Variants in PIP5K1A observed in about 807,000 individuals in gnomAD.
PIP5K1A encodes phosphatidylinositol-4-phosphate 5-kinase type 1 alpha.
A neutral mutation model predicts 72.9 loss-of-function variants in PIP5K1A; 46 were observed. The observed-to-expected ratio is 0.63, with a 90% CI of 0.50 to 0.81. The LOEUF (loss-of-function observed/expected upper bound fraction) is 0.81. PIP5K1A is among the 30% of genes least tolerant of loss of function. The probability of loss-of-function intolerance (pLI) is 0.00; values close to 1 mark genes in which losing one functional copy is unlikely to be tolerated. For missense variants in PIP5K1A, 458 were observed against 706.1 expected, an observed-to-expected ratio of 0.65 and a Z score of 3.98; for synonymous variants, 228 against 255.1, an observed-to-expected ratio of 0.89 and a Z score of 1.01.
Position 151,208,719 on chromosome 1 carries a change from C to CTTTTTTTTTTTTT in PIP5K1A, c.85+9656_85+9668dup, listed in dbSNP as rs61545057. 3.5e-4 allele frequency among the ~76,000 whole-genome samples: 15 copies of CTTTTTTTTTTTTT among 43,162 alleles called. 4 individuals carry two copies. The highest frequency in any genetic ancestry group is 5.6e-4 in the Non-Finnish European group (13 of 23,042). The allele number at this position is 43,162 out of a possible 152,430, so 28.3% of individuals were successfully genotyped here. The stretch of plus-strand genomic sequence containing the variant: ...TTATTAAGGATGTTGTAATGGTACG[C>CTTTTTTTTTTTTT]TTTTTTTTTTTTTTTTTTTTTTTTT... On this transcript the variant is annotated intron_variant, in intron 1 of 15. Transcript: ENST00000368888.
chr1:151,243,281 G>A (rs1692031495), intron 14 of PIP5K1A, among the ~76,000 whole-genome samples: 1 of 152,196 alleles, frequency 6.6e-6, no homozygotes, highest in Non-Finnish European at 1.5e-5. Context: ...TTAGCTCAGA[G>A]TCCAGAGTTT....
At chr1:151,232,961 G>A (rs1183683893) in intron 7 of PIP5K1A, among the ~76,000 whole-genome samples, 2 of 151,846 alleles carry the variant, frequency 1.3e-5, no homozygotes, top group Non-Finnish European at 2.9e-5. Flanking sequence ...TTAGCCAGGC[G>A]TGGTAGCGGG....
chr1:151,206,081 T>C (rs780537672), intron 1 of PIP5K1A, among the ~76,000 whole-genome samples: 8 of 152,160 alleles, frequency 5.3e-5, no homozygotes, highest in African/African-American at 1.2e-4. Context: ...TTTCGACATA[T>C]GTTTATCCTG....
rs1288317857 is a variant in PIP5K1A at position 151,198,911 on chromosome 1, A to G, written c.-86A>G. ...GGCCCACAGAACGCGGGTTCTGTAAAGAGACGTTGGGAAGATTCGATTCCG... is the reference window on the plus strand; with the variant it reads ...GGCCCACAGAACGCGGGTTCTGTAAGGAGACGTTGGGAAGATTCGATTCCG... On this transcript the variant is annotated 5_prime_UTR_variant, in exon 1 of 16. Transcript: ENST00000368888. The G allele has an allele frequency of 7.5e-7, 1 of 1,336,784 alleles. No homozygotes were observed. Among genetic ancestry groups the G allele is most frequent in the East Asian group, 2.3e-5 (1 of 43,642 alleles). 82.8% of individuals were successfully genotyped at this position (1,336,784 alleles called of 1,614,324 possible).
At chr1:151,201,753 T>C (rs1386095628) in intron 1 of PIP5K1A, among the ~76,000 whole-genome samples, 1 of 151,862 alleles carries the variant, frequency 6.6e-6, no homozygotes, top group African/African-American at 2.4e-5. Context: ...TCCCAGCTAC[T>C]TAGGAGGCTG....
chr1:151,203,201 T>C (rs1383226291), intron 1 of PIP5K1A, among the ~76,000 whole-genome samples: 3 of 151,854 alleles, frequency 2.0e-5, no homozygotes, highest in African/African-American at 7.3e-5. Flanking sequence ...GAAATAAGAG[T>C]TGTGGAGTAA....
chr1:151,245,018 A>C (rs1046133473), intron 14 of PIP5K1A, among the ~76,000 whole-genome samples: 3 of 150,560 alleles, frequency 2.0e-5, no homozygotes, highest in African/African-American at 7.4e-5. Context: ...CTGCCTCCTG[A>C]AGTGAGCCAC....
chr1:151,205,437 A>G (rs926881165), intron 1 of PIP5K1A, among the ~76,000 whole-genome samples: 7 of 151,674 alleles, frequency 4.6e-5, no homozygotes, highest in African/African-American at 9.7e-5. Context: ...TGGCTTCCCA[A>G]AGTTCTGAGA....
intron 7 of PIP5K1A, among the ~76,000 whole-genome samples, 161 bp from the exon 8 acceptor site, chr1:151,234,036 C>G (rs1442609587): frequency 2.6e-5 from 4 of 152,094 alleles, no homozygotes; most frequent in South Asian, 2.1e-4. Flanking sequence ...GAAATAGATG[C>G]ATAGGGAAAT....
intron 1 of PIP5K1A, among the ~76,000 whole-genome samples, chr1:151,213,955 C>T (rs1687219404): frequency 6.6e-6 from 1 of 152,072 alleles, no homozygotes; most frequent in Non-Finnish European, 1.5e-5. Flanking sequence ...AGGAAATGGT[C>T]ATCTTTTAAC....
In PIP5K1A at chr1:151,231,352, A is replaced by C. The variant is rs149911535; in HGVS notation, c.238-319A>C. Among the ~76,000 whole-genome samples, 427 of 152,292 alleles carry C rather than the reference A, an allele frequency of 2.8e-3. 2 individuals are homozygous for C. The highest frequency in any genetic ancestry group is 9.7e-3 in the African/African-American group (404 of 41,560). ...GAACTAAGAACGTTGTGTCAATACA[A>C]TGTATCTTCCAAATACAAATATGGA... On this transcript the variant is annotated intron_variant, in intron 4 of 15. Coordinates refer to ENST00000368888, the MANE Select transcript of PIP5K1A (RefSeq NM_001135638.2).
intron 7 of PIP5K1A, chr1:151,233,878 AC>A (rs1289360574): frequency 1.1e-5 from 3 of 268,944 alleles, no homozygotes; most frequent in Admixed American, 4.9e-5. Context: ...TACCTGCCTT[AC>A]CATCCCCAAG....
At chr1:151,222,682 A>G (rs1454881882) in intron 1 of PIP5K1A, among the ~76,000 whole-genome samples, 3 of 152,190 alleles carry the variant, frequency 2.0e-5, no homozygotes, top group Non-Finnish European at 2.9e-5. Context: ...AGGATAGGCC[A>G]GGCACTGACC....
At position 151,235,564 on chromosome 1, in the gene PIP5K1A, G is replaced by A. The variant is rs771679206; in HGVS notation, c.940-994G>A. On this transcript the variant is annotated intron_variant, in intron 8 of 15. Coordinates refer to ENST00000368888, the MANE Select transcript of PIP5K1A (RefSeq NM_001135638.2). ...CTGTAAGGAGGCACAGTGCCTACATGGTGGAGATTCAGTAAATGTTTAACT... is the reference window on the plus strand; with the variant it reads ...CTGTAAGGAGGCACAGTGCCTACATAGTGGAGATTCAGTAAATGTTTAACT... Among the ~76,000 whole-genome samples, 7 of 152,334 alleles carry A rather than the reference G, an allele frequency of 4.6e-5. 2 individuals are homozygous for A. The highest frequency in any genetic ancestry group is 1.7e-4 in the African/African-American group (7 of 41,578).
rs587727875 is a variant in PIP5K1A at position 151,227,313 on chromosome 1, C to T, written c.157-7C>T. The T allele has an allele frequency of 1.9e-6, 3 of 1,593,280 alleles. No homozygotes were observed. Among genetic ancestry groups the T allele is most frequent in the Non-Finnish European group, 2.6e-6 (3 of 1,161,340 alleles). ...GAATTGTATTATAATCTTGACTCTT[C>T]TTCTAGGTGCCTTATGCCTCTGGCA... On this transcript the variant is annotated splice_polypyrimidine_tract_variant and splice_region_variant and intron_variant, in intron 3 of 15. Coordinates refer to ENST00000368888, the MANE Select transcript of PIP5K1A (RefSeq NM_001135638.2).
At chr1:151,227,970 A>G (rs748101552) in intron 4 of PIP5K1A, among the ~76,000 whole-genome samples, 1 of 152,198 alleles carries the variant, frequency 6.6e-6, no homozygotes, top group Non-Finnish European at 1.5e-5. Context: ...CCTGTTAGGT[A>G]TAAATATGTA....
At chr1:151,244,303 TATTTACATAGC>T (rs1251404002) in intron 14 of PIP5K1A, among the ~76,000 whole-genome samples, 1 of 152,154 alleles carries the variant, frequency 6.6e-6, no homozygotes, top group Non-Finnish European at 1.5e-5. Flanking sequence ...GTATAACAAC[TATTTACATAGC>T]ATTTACATTG....
In PIP5K1A at chr1:151,224,390, A is replaced by T. The variant is rs760095699; in HGVS notation, c.140A>T (p.Asp47Val). The T allele has an allele frequency of 1.2e-6, 2 of 1,604,314 alleles. No individual in the cohort carries two copies. The highest frequency in any genetic ancestry group is 2.2e-5 in the East Asian group (1 of 44,822). Residue 47 changes from aspartate (D) to valine (V), a missense_variant, in exon 3 of 16, where the codon GAT becomes GTT. Asp to Val is a radical substitution (Grantham distance 152, BLOSUM62 -3). Around this residue, in one of 3 missense-constraint regions of PIP5K1A, gnomAD observed 81 missense variants for 88.0 expected, o/e 0.92. Coordinates refer to ENST00000368888, the MANE Select transcript of PIP5K1A (RefSeq NM_001135638.2). ...MASEVLEARQ[D>V]SYISLVPYAS... ...ACTTAGGTCTTGGAAGCTAGACAGG[A>T]TTCTTACATCTCATTGGTAGGCTAG...
intron 12 of PIP5K1A, among the ~76,000 whole-genome samples, chr1:151,241,659 G>T (rs1323325579): frequency 6.6e-6 from 1 of 152,072 alleles, no homozygotes; most frequent in Non-Finnish European, 1.5e-5. Flanking sequence ...AATTAGCTGG[G>T]TGTAGTGGCG....
Sources: gnomAD v4.1 joint callset for allele counts (sites outside exome capture counted in the v4.1 genomes callset) on GRCh38, gnomAD v4.1.1 for gene constraint, gnomAD v4.1.1 regional missense constraint, MANE v1.5 for transcripts, NCBI Gene and HGNC (gene_info 2026-07-23, HGNC 2026-07-21) for gene names.